Variants in MCM9 observed in about 807,000 individuals in gnomAD.
MCM9 encodes the protein DNA helicase MCM9.
A neutral mutation model predicts 72.8 loss-of-function variants in MCM9; 55 were observed. The observed-to-expected ratio is 0.76, with a 90% CI of 0.61 to 0.95. MCM9 has a LOEUF of 0.95. MCM9 is among the 40% of genes least tolerant of loss of function. The pLI, the probability that MCM9 is intolerant of heterozygous loss-of-function variation, is 0.00. For synonymous variants in MCM9, 480 were observed against 503.4 expected (o/e 0.95, Z 0.62); for missense variants, 1,279 against 1,377.0 (o/e 0.93, Z 1.13).
chr6:118,928,828 C>A (rs1782129546), intron 3 of MCM9, among the ~76,000 whole-genome samples: 1 of 151,066 alleles, frequency 6.6e-6, no homozygotes. Context: ...GCATTCCAGC[C>A]TGGGCAACAG....
At chr6:118,845,411 C>T (rs563401512) in intron 9 of MCM9, among the ~76,000 whole-genome samples, 1 of 151,868 alleles carries the variant, frequency 6.6e-6, no homozygotes, top group East Asian at 1.9e-4. Flanking sequence ...AAGCTGGAAC[C>T]GCCATATAGC....
intron 9 of MCM9, among the ~76,000 whole-genome samples, chr6:118,836,439 C>T (rs1262533589): frequency 4.6e-5 from 7 of 152,182 alleles, no homozygotes; most frequent in Admixed American, 1.3e-4. Flanking sequence ...CCTCTTTGTA[C>T]CTCTGGTAGA....
chr6:118,838,624 T>A (rs1307578681), intron 9 of MCM9, among the ~76,000 whole-genome samples: 1 of 152,190 alleles, frequency 6.6e-6, no homozygotes. Flanking sequence ...GGTTTCACCA[T>A]GTTAGCCAGG....
chr6:118,822,985 C>T (rs1321164091), intron 13 of MCM9, among the ~76,000 whole-genome samples: 5 of 152,132 alleles, frequency 3.3e-5, no homozygotes, highest in African/African-American at 2.4e-5. Context: ...CATCCCAAGT[C>T]GACTTCAGAA....
intron 9 of MCM9, among the ~76,000 whole-genome samples, chr6:118,840,628 A>T (rs144975079): frequency 0.01 from 1,579 of 151,470 alleles, 26 homozygotes; most frequent in African/African-American, 0.036. Context: ...CATTTTTTTT[A>T]AAAAACCCAA....
chr6:118,928,007 A>T (rs1272840001), intron 3 of MCM9, among the ~76,000 whole-genome samples: 1 of 152,198 alleles, frequency 6.6e-6, no homozygotes, highest in Non-Finnish European at 1.5e-5. Context: ...TTCCTGTTCT[A>T]TCAAGACTTC....
intron 5 of MCM9, chr6:118,921,041 T>C (rs1781384483): frequency 6.6e-6 from 1 of 152,202 alleles, no homozygotes; most frequent in African/African-American, 2.4e-5. Context: ...AAGCTCAGAA[T>C]GACACTGGAA....
chr6:118,915,668 C>G (rs1780884287), intron 6 of MCM9, among the ~76,000 whole-genome samples: 1 of 152,092 alleles, frequency 6.6e-6, no homozygotes. Context: ...CCAACTTCAC[C>G]TCTCCTCCCT....
intron 8 of MCM9, among the ~76,000 whole-genome samples, chr6:118,877,044 A>G (rs1234697924): frequency 1.3e-5 from 2 of 152,218 alleles, no homozygotes; most frequent in Non-Finnish European, 2.9e-5. Context: ...TTGGAATGCT[A>G]GATTTTAGAG....
At chr6:118,884,004 T>C (rs1235265917) in intron 8 of MCM9, among the ~76,000 whole-genome samples, 1 of 152,222 alleles carries the variant, frequency 6.6e-6, no homozygotes, top group East Asian at 1.9e-4. Context: ...AATTGTATTG[T>C]TGGGCCTATA....
At chr6:118,856,570 A>G in intron 8 of MCM9, 25 bp from the exon 9 acceptor site, 3 of 1,534,532 alleles carry the variant, frequency 2.0e-6, no homozygotes, top group Non-Finnish European at 1.7e-6. Context: ...AAGCCATATC[A>G]ACTTTTATTT....
At chr6:118,843,027 A>G (rs918789778) in intron 9 of MCM9, among the ~76,000 whole-genome samples, 21 of 152,188 alleles carry the variant, frequency 1.4e-4, no homozygotes, top group African/African-American at 4.6e-4. Flanking sequence ...GGTTACTGAC[A>G]TAAGTCACAT....
At chr6:118,818,623 T>C (rs892040703) in intron 13 of MCM9, among the ~76,000 whole-genome samples, 1 of 152,206 alleles carries the variant, frequency 6.6e-6, no homozygotes, top group Non-Finnish European at 1.5e-5. Context: ...TCTATTTTGG[T>C]TCCATATGAA....
intron 9 of MCM9, among the ~76,000 whole-genome samples, chr6:118,833,990 T>A (rs923973407): frequency 6.6e-6 from 1 of 152,198 alleles, no homozygotes; most frequent in African/African-American, 2.4e-5. Context: ...ACCCATCATC[T>A]ACATTAGGTA....
Position 118,814,999 on chromosome 6 carries a change from G to C in MCM9, c.3257C>G (p.Pro1086Arg), listed in dbSNP as rs1773319108. ...PERKNRGERGPSSPPTTTAPM... is the reference protein window; with the variant it reads ...PERKNRGERGRSSPPTTTAPM... The stretch of plus-strand genomic sequence containing the variant: ...AGCTGTGGTTGTAGGAGGGGAGCTT[G>C]GGCCTCTCTCACCTCGGTTCTTCCT... Residue 1086 changes from proline to arginine, a missense_variant, in exon 14 of 14, where the codon CCA becomes CGA. Physicochemically the swap from Pro to Arg is moderately radical, Grantham distance 103 (BLOSUM62 -2). Coordinates refer to ENST00000619706, the MANE Select transcript of MCM9 (RefSeq NM_017696.3). 1 of 1,550,396 alleles carries C rather than the reference G, an allele frequency of 6.4e-7. No homozygotes were observed. The highest frequency in any genetic ancestry group is 1.4e-5 in the African/African-American group (1 of 73,072).
At chr6:118,851,765 A>G (rs1237716794) in intron 9 of MCM9, among the ~76,000 whole-genome samples, 2 of 149,316 alleles carry the variant, frequency 1.3e-5, no homozygotes, top group Non-Finnish European at 2.9e-5. Flanking sequence ...CTAAGACAAA[A>G]CAGAAACAAG....
At chr6:118,856,244 T>C in intron 9 of MCM9, 127 bp downstream of exon 9, 1 of 839,666 alleles carries the variant, frequency 1.2e-6, no homozygotes, top group Middle Eastern at 3.2e-4. Context: ...ATGTGTGTCT[T>C]GAAGGGTGGT....
chr6:118,837,918 A>G (rs1775077199), intron 9 of MCM9, among the ~76,000 whole-genome samples: 1 of 152,096 alleles, frequency 6.6e-6, no homozygotes, highest in Non-Finnish European at 1.5e-5. Context: ...CTAGCTGGTT[A>G]TTTTGCCCAT....
At chr6:118,882,776 G>A (rs1356508402) in intron 8 of MCM9, among the ~76,000 whole-genome samples, 5 of 151,996 alleles carry the variant, frequency 3.3e-5, no homozygotes, top group Non-Finnish European at 5.9e-5. Context: ...ACTGTGAGGA[G>A]ACACAGACTT....
Sources: gnomAD v4.1 joint callset for allele counts (sites outside exome capture counted in the v4.1 genomes callset) on GRCh38, gnomAD v4.1.1 for gene constraint, MANE v1.5 for transcripts, NCBI Gene and HGNC (gene_info 2026-07-23, HGNC 2026-07-21) for gene names.